The following STX12 variants were observed in gnomAD, a reference collection of about 807,000 sequenced individuals.
STX12 encodes the protein syntaxin 12, also known as syntaxin-12.
STX12 carries 17 observed loss-of-function variants against 42.2 expected under a neutral mutation model. The observed-to-expected ratio is 0.40, with a 90% confidence interval of 0.28 to 0.60. The LOEUF (loss-of-function observed/expected upper bound fraction) is 0.60. Ranked by LOEUF, STX12 falls within the 20% of genes least tolerant of loss-of-function variation. The pLI is 0.39. For synonymous variants in STX12, 108 were observed against 116.7 expected (o/e 0.93, Z 0.48); for missense variants, 297 against 330.9 (o/e 0.90, Z 0.79).
intron 2 of STX12, among the ~76,000 whole-genome samples, chr1:27,792,284 GTAGATACATA>G (rs2088753304): frequency 2.5e-5 from 2 of 78,838 alleles, no homozygotes; most frequent in African/African-American, 1.2e-4. Context: ...CTATATATAT[GTAGATACATA>G]TATATGTATC....
At chr1:27,799,753 G>T (rs1017050808) in intron 3 of STX12, among the ~76,000 whole-genome samples, 3 of 149,792 alleles carry the variant, frequency 2.0e-5, no homozygotes, top group African/African-American at 7.4e-5. Context: ...ATAGCTTGGC[G>T]TTTTGTTTTG....
Position 27,795,604 on chromosome 1 carries a change from C to T in STX12, c.288+1972C>T, listed in dbSNP as rs190430338. Among the ~76,000 whole-genome samples, 64 of 152,178 alleles carry T rather than the reference C, an allele frequency of 4.2e-4. 1 individual carries two copies. The East Asian group carries it at 0.012, about 28-fold the overall frequency. On this transcript the variant is annotated intron_variant, in intron 3 of 8. Transcript: ENST00000373943. ...TACAGGCCTGAGCCACCACACCTGGCCCATGTTGTCAAATTCTTATTGTAA... is the reference window on the plus strand; with the variant it reads ...TACAGGCCTGAGCCACCACACCTGGTCCATGTTGTCAAATTCTTATTGTAA...
intron 1 of STX12, among the ~76,000 whole-genome samples, chr1:27,777,542 C>T (rs978389408): frequency 6.6e-6 from 1 of 152,128 alleles, no homozygotes; most frequent in African/African-American, 2.4e-5. Flanking sequence ...CCTCTTTCCC[C>T]TTGTACTGTG....
chr1:27,816,658 G>A (rs554975595), intron 6 of STX12, among the ~76,000 whole-genome samples: 54 of 151,066 alleles, frequency 3.6e-4, no homozygotes, highest in African/African-American at 1.3e-3. Flanking sequence ...AGTGACTCAT[G>A]CCTGTAATCC....
intron 7 of STX12, among the ~76,000 whole-genome samples, chr1:27,818,906 C>T (rs1298669615): frequency 6.6e-6 from 1 of 151,964 alleles, no homozygotes; most frequent in Non-Finnish European, 1.5e-5. Flanking sequence ...GGATTACAGG[C>T]GTGAGCCACC....
intron 6 of STX12, among the ~76,000 whole-genome samples, chr1:27,813,563 G>T (rs1474606938): frequency 6.6e-6 from 1 of 152,180 alleles, no homozygotes; most frequent in Non-Finnish European, 1.5e-5. Flanking sequence ...AGGAGAAAAG[G>T]AGAGAGGGAA....
chr1:27,802,657 T>C (rs2088835032), intron 4 of STX12, among the ~76,000 whole-genome samples: 1 of 152,106 alleles, frequency 6.6e-6, no homozygotes, highest in Admixed American at 6.6e-5. Flanking sequence ...AAACACAAAT[T>C]CCTTCTGTAG....
At chr1:27,775,482 G>A (rs1294400993) in intron 1 of STX12, among the ~76,000 whole-genome samples, 1 of 152,168 alleles carries the variant, frequency 6.6e-6, no homozygotes, top group African/African-American at 2.4e-5. Context: ...ATGTTGTCCA[G>A]TCTGGTCTTG....
At chr1:27,797,521 C>A (rs1360421682) in intron 3 of STX12, among the ~76,000 whole-genome samples, 4 of 152,090 alleles carry the variant, frequency 2.6e-5, no homozygotes, top group Non-Finnish European at 1.5e-5. Flanking sequence ...TGGGCATGCC[C>A]CAAGGTTGTG....
chr1:27,799,053 G>C, intron 3 of STX12, among the ~76,000 whole-genome samples: 1 of 152,040 alleles, frequency 6.6e-6, no homozygotes, highest in East Asian at 1.9e-4. Flanking sequence ...GCACGGTAAG[G>C]TTAGGGAATG....
chr1:27,812,443 G>GTTT lies in STX12; in HGVS notation c.576+184_576+186dup, dbSNP rs67267768. ...TGGGTTTGAACTACCGGTTTTTTTT[G>GTTT]TTTTTTTTTTTATCTTGGATGGAAT... On this transcript the variant is annotated intron_variant, in intron 6 of 8. Transcript: ENST00000373943. 5.7e-3 allele frequency among the ~76,000 whole-genome samples: 822 copies of GTTT among 144,616 alleles called. 16 individuals carry two copies. The highest frequency in any genetic ancestry group is 0.019 in the African/African-American group (768 of 39,524). The allele number at this position is 144,616 out of a possible 152,430, so 94.9% of individuals were successfully genotyped here.
At position 27,801,664 on chromosome 1, in the gene STX12, C is replaced by T; in HGVS notation, c.289-14C>T. 6.8e-7 allele frequency: 1 copy of T among 1,475,238 alleles called. No individual in the cohort carries two copies. The highest frequency in any genetic ancestry group is 1.4e-5 in the South Asian group (1 of 69,292). The allele number at this position is 1,475,238 out of a possible 1,614,324, so 91.4% of individuals were successfully genotyped here. ...GTTAATATGAAATCTCAAGTTCTTG[C>T]TTGATTTCCTTAGCGCCAGCAGAGA... On this transcript the variant is annotated splice_polypyrimidine_tract_variant and intron_variant, in intron 3 of 8. Transcript: ENST00000373943.
rs2089002262 is a variant in STX12 at position 27,823,921 on chromosome 1, A to G, written c.*1592A>G. 6.6e-6 allele frequency: 1 copy of G among 152,178 alleles called. No individual in the cohort carries two copies. The highest frequency in any genetic ancestry group is 6.6e-5 in the Admixed American group (1 of 15,256). 9.4% of individuals were successfully genotyped at this position (152,178 alleles called of 1,614,324 possible). A position where few individuals can be genotyped will look rare whatever the true frequency, so the allele number is the denominator to read the frequency against. The stretch of plus-strand genomic sequence containing the variant: ...GTGTAGCTGCCTTTCCTTGAAAAAC[A>G]GTGTGTAGAGATGGCTGAGTGCAAT... On this transcript the variant is annotated 3_prime_UTR_variant, in exon 9 of 9. Coordinates refer to ENST00000373943, the MANE Select transcript of STX12 (RefSeq NM_177424.3).
chr1:27,818,010 C>A, intron 7 of STX12, 87 bp downstream of exon 7: 1 of 1,136,802 alleles, frequency 8.8e-7, no homozygotes, highest in Non-Finnish European at 1.3e-6. Flanking sequence ...AAGGCTGAGG[C>A]TGAAGCACCA....
Position 27,817,550 on chromosome 1 carries a change from A to G in STX12, c.577-301A>G, listed in dbSNP as rs975765298. 4.6e-5 allele frequency among the ~76,000 whole-genome samples: 7 copies of G among 152,214 alleles called. No homozygotes were observed. In the East Asian group the frequency reaches 1.3e-3, roughly 29 times the overall value. On this transcript the variant is annotated intron_variant, in intron 6 of 8. Coordinates refer to ENST00000373943, the MANE Select transcript of STX12 (RefSeq NM_177424.3). Reference sequence around the variant, plus strand: ...GGCCTAGCAGTCTCCACATAGGGCTATCACACCAAGAATTTGTCTATATCA... The same window carrying G: ...GGCCTAGCAGTCTCCACATAGGGCTGTCACACCAAGAATTTGTCTATATCA...
chr1:27,780,094 G>C (rs1254903558), intron 1 of STX12, among the ~76,000 whole-genome samples: 1 of 151,518 alleles, frequency 6.6e-6, no homozygotes, highest in East Asian at 1.9e-4. Flanking sequence ...TCCGCCCTTT[G>C]GTTCCTCCTT....
At chr1:27,819,533 G>A in intron 7 of STX12, 117 bp from the exon 8 acceptor site, 1 of 775,204 alleles carries the variant, frequency 1.3e-6, no homozygotes, top group East Asian at 2.9e-5. Flanking sequence ...CGATTTCATG[G>A]CTGGATAGTT....
At chr1:27,811,307 CAAAAA>C (rs1158641374) in intron 5 of STX12, among the ~76,000 whole-genome samples, 1 of 48,030 alleles carries the variant, frequency 2.1e-5, no homozygotes, top group African/African-American at 7.1e-5. Context: ...AACTCCGTCT[CAAAAA>C]AAAAAAAAAA....
chr1:27,783,560 C>T (rs1425016339), intron 1 of STX12, among the ~76,000 whole-genome samples: 2 of 152,084 alleles, frequency 1.3e-5, no homozygotes, highest in East Asian at 1.9e-4. Flanking sequence ...TCTCAAAACT[C>T]CTGACCTCAG....
Sources: allele counts gnomAD v4.1 joint callset (sites outside exome capture counted in the v4.1 genomes callset), GRCh38; gene constraint gnomAD v4.1.1; transcripts MANE v1.5; gene names NCBI Gene and HGNC (gene_info 2026-07-23, HGNC 2026-07-21).